ASTN1: variants seen among roughly 807,000 people sequenced by gnomAD.
The protein encoded by ASTN1 is astrotactin 1.
ASTN1 carries 41 observed loss-of-function variants against 140.7 expected under a neutral mutation model. The observed-to-expected ratio is 0.29, with a 90% CI of 0.23 to 0.38. The LOEUF is 0.38. ASTN1 is among the 10% of genes least tolerant of loss of function. The pLI is 1.00. For missense variants in ASTN1, 1,479 were observed against 1,678.8 expected (o/e 0.88, Z 2.08); for synonymous variants, 640 against 652.2 (o/e 0.98, Z 0.29).
chr1:177,132,407 T>C (rs1681983382), intron 1 of ASTN1, among the ~76,000 whole-genome samples: 1 of 152,174 alleles, frequency 6.6e-6, no homozygotes, highest in Admixed American at 6.5e-5. Flanking sequence ...AGTCTGCTTT[T>C]CTCATCCTGT....
At chr1:176,973,839 G>A (rs957980890) in intron 8 of ASTN1, among the ~76,000 whole-genome samples, 1 of 152,124 alleles carries the variant, frequency 6.6e-6, no homozygotes, top group Non-Finnish European at 1.5e-5. Flanking sequence ...TGCCATCCCA[G>A]CCCACTCCTG....
At chr1:177,092,895 C>T (rs1361485491) in intron 1 of ASTN1, among the ~76,000 whole-genome samples, 1 of 152,140 alleles carries the variant, frequency 6.6e-6, no homozygotes, top group African/African-American at 2.4e-5. Context: ...TAACCCATTT[C>T]TATATATCTG....
At chr1:176,889,482 A>G (rs1399943666) in intron 17 of ASTN1, among the ~76,000 whole-genome samples, 1 of 152,240 alleles carries the variant, frequency 6.6e-6, no homozygotes. Context: ...GAAAAAAGAA[A>G]AAAGAAAAGA....
chr1:176,929,782 G>A (rs1671124662), intron 16 of ASTN1, among the ~76,000 whole-genome samples: 1 of 152,226 alleles, frequency 6.6e-6, no homozygotes, highest in South Asian at 2.1e-4. Context: ...GCCGAGGCAG[G>A]TGGATCATGA....
chr1:176,945,954 C>A lies in ASTN1; in HGVS notation c.2221G>T (p.Ala741Ser), dbSNP rs771860256. 1 of 1,612,772 alleles carries A rather than the reference C, an allele frequency of 6.2e-7. No homozygotes were observed. The highest frequency in any genetic ancestry group is 8.5e-7 in the Non-Finnish European group (1 of 1,179,086). ...AATGTTCCTTTCAGCACCTGTCCGG[C>A]AGCCACTTCCTTGGAATGGTTGTTG... ...GYNNHSKEVA[A>S]GQVLKGTFRQ... Residue 741 changes from alanine (A) to serine (S), a missense_variant, in exon 13 of 23, where the codon GCC (alanine) becomes TCC (serine). Ala to Ser is a moderately conservative substitution (Grantham distance 99). This residue lies in a region of ASTN1 where 746 missense variants were observed against 800.9 expected (regional missense o/e 0.93). Transcript: ENST00000361833.
chr1:177,044,631 T>C (rs1677135303), intron 2 of ASTN1, among the ~76,000 whole-genome samples: 1 of 152,206 alleles, frequency 6.6e-6, no homozygotes, highest in Non-Finnish European at 1.5e-5. Context: ...AGGTTTTGAT[T>C]TGCTGATGAG....
chr1:177,040,301 A>C (rs1676914064), intron 2 of ASTN1, among the ~76,000 whole-genome samples: 1 of 152,202 alleles, frequency 6.6e-6, no homozygotes, highest in African/African-American at 2.4e-5. Context: ...TAAGTTAATT[A>C]AGAGGCCTCA....
intron 1 of ASTN1, among the ~76,000 whole-genome samples, chr1:177,122,287 G>T (rs1681431986): frequency 6.6e-6 from 1 of 152,182 alleles, no homozygotes. Flanking sequence ...CAGGAGCCAT[G>T]TCTTGCCTGT....
chr1:176,889,495 A>G (rs1323637426), intron 17 of ASTN1, among the ~76,000 whole-genome samples: 1 of 152,242 alleles, frequency 6.6e-6, no homozygotes, highest in South Asian at 2.1e-4. Flanking sequence ...AGAAAAGAAA[A>G]AGAGACAAAC....
In ASTN1 at chr1:177,070,433, T is replaced by G. The variant is rs566563123; in HGVS notation, c.284-9168A>C. Among the ~76,000 whole-genome samples the G allele has an allele frequency of 4.5e-4, 69 of 152,326 alleles. 1 individual carries two copies. The highest frequency in any genetic ancestry group is 1.5e-3 in the African/African-American group (61 of 41,574). ...TTATAAAATGAATGGAAAAAAGAATTGAAAATGACTAAATATCACCTGTAA... is the reference window on the plus strand; with the variant it reads ...TTATAAAATGAATGGAAAAAAGAATGGAAAATGACTAAATATCACCTGTAA... On this transcript the variant is annotated intron_variant, in intron 1 of 22. Transcript: ENST00000361833.
intron 8 of ASTN1, among the ~76,000 whole-genome samples, chr1:176,985,017 G>A (rs1008319945): frequency 6.6e-6 from 1 of 152,162 alleles, no homozygotes; most frequent in African/African-American, 2.4e-5. Flanking sequence ...CTCAAGCCCA[G>A]CTTCTAAGCA....
chr1:177,156,756 C>T (rs1380842924), intron 1 of ASTN1, among the ~76,000 whole-genome samples: 1 of 151,876 alleles, frequency 6.6e-6, no homozygotes, highest in Non-Finnish European at 1.5e-5. Flanking sequence ...GGTAACTTTA[C>T]AGTGGAGAAA....
At chr1:176,942,716 C>A (rs761528092) in intron 14 of ASTN1, among the ~76,000 whole-genome samples, 2 of 150,016 alleles carry the variant, frequency 1.3e-5, no homozygotes, top group Non-Finnish European at 3.0e-5. Flanking sequence ...ATTTGTTTCT[C>A]ACCTATCTGT....
intron 1 of ASTN1, among the ~76,000 whole-genome samples, chr1:177,124,763 G>C (rs1681564061): frequency 6.6e-6 from 1 of 152,172 alleles, no homozygotes. Context: ...GGAGGAGTGG[G>C]AGTAAGTTAG....
At position 176,876,522 on chromosome 1, in the gene ASTN1, T is replaced by G. The variant is rs772328200; in HGVS notation, c.3463+15A>C. On this transcript the variant is annotated intron_variant, in intron 21 of 22. Coordinates refer to ENST00000361833, the MANE Select transcript of ASTN1 (RefSeq NM_004319.3). ...GCATCCCTTCAGAAACACTGCTAAC[T>G]TCGATGTCTCTTACCTTGAGCCTTG... The G allele has an allele frequency of 4.3e-6, 7 of 1,613,684 alleles. No homozygotes were observed. In the South Asian group the frequency reaches 6.6e-5, roughly 15 times the overall value.
intron 1 of ASTN1, among the ~76,000 whole-genome samples, chr1:177,101,431 T>A (rs2102130627): frequency 6.6e-6 from 1 of 152,322 alleles, no homozygotes; most frequent in East Asian, 1.9e-4. Context: ...AAGTCCATAC[T>A]GTTGAGTAAA....
intron 10 of ASTN1, 27 bp downstream of exon 10, chr1:176,958,318 A>T: frequency 6.2e-7 from 1 of 1,611,802 alleles, no homozygotes; most frequent in South Asian, 1.1e-5. Flanking sequence ...AGCCAATTGC[A>T]GGCCTCAGTC....
At chr1:176,867,422 T>G (rs1319150954) in intron 22 of ASTN1, among the ~76,000 whole-genome samples, 2 of 151,900 alleles carry the variant, frequency 1.3e-5, no homozygotes, top group African/African-American at 2.4e-5. Context: ...TAGGAATGAG[T>G]AAGAATAAGG....
At chr1:176,966,120 C>A (rs984823053) in intron 8 of ASTN1, among the ~76,000 whole-genome samples, 2 of 152,214 alleles carry the variant, frequency 1.3e-5, no homozygotes, top group Non-Finnish European at 2.9e-5. Context: ...TTAGCCCTTA[C>A]ACTTGTGCAA....
Sources: gnomAD v4.1 joint callset for allele counts (sites outside exome capture counted in the v4.1 genomes callset) on GRCh38, gnomAD v4.1.1 for gene constraint, gnomAD v4.1.1 regional missense constraint, MANE v1.5 for transcripts, NCBI Gene and HGNC (gene_info 2026-07-23, HGNC 2026-07-21) for gene names.